The following MRTFA variants were observed in gnomAD, a reference collection of about 807,000 sequenced individuals.
The protein encoded by MRTFA is myocardin-related transcription factor A.
MRTFA carries 20 observed loss-of-function variants against 83.5 expected under a neutral mutation model. That is an observed-to-expected ratio of 0.24 (90% CI 0.17 to 0.35). The LOEUF (loss-of-function observed/expected upper bound fraction) is 0.35. MRTFA is among the 10% of genes least tolerant of loss of function. The probability of loss-of-function intolerance (pLI) is 1.00; values close to 1 mark genes in which losing one functional copy is unlikely to be tolerated. For missense variants in MRTFA, 1,200 were observed against 1,224.7 expected, an observed-to-expected ratio of 0.98 and a Z score of 0.30; for synonymous variants, 659 against 541.2, an observed-to-expected ratio of 1.22 and a Z score of -3.02.
chr22:40,436,308 C>G (rs1243732299), intron 4 of MRTFA: 1 of 154,404 alleles, frequency 6.5e-6, no homozygotes, highest in African/African-American at 2.4e-5. Flanking sequence ...CACGAGGAAT[C>G]ATAAAGTGGC....
chr22:40,463,112 TA>T, intron 4 of MRTFA, 108 bp downstream of exon 4: 1 of 931,248 alleles, frequency 1.1e-6, no homozygotes, highest in Non-Finnish European at 1.7e-6. Flanking sequence ...GAGTGGAAAA[TA>T]AAACGCATCA....
chr22:40,464,507 T>TAA (rs571765005), intron 3 of MRTFA, among the ~76,000 whole-genome samples: 3 of 129,074 alleles, frequency 2.3e-5, no homozygotes, highest in African/African-American at 8.6e-5. Context: ...AGACCCCGTC[T>TAA]AAAAAAAAAA....
At chr22:40,440,565 A>C (rs2053256511) in intron 4 of MRTFA, among the ~76,000 whole-genome samples, 1 of 152,146 alleles carries the variant, frequency 6.6e-6, no homozygotes, top group South Asian at 2.1e-4. Context: ...CTCTTCCTTC[A>C]GGTTTGTGTC....
intron 4 of MRTFA, among the ~76,000 whole-genome samples, chr22:40,462,582 G>A (rs976452342): frequency 2.6e-5 from 4 of 152,186 alleles, no homozygotes; most frequent in Non-Finnish European, 5.9e-5. Context: ...TTTCAGCTCC[G>A]TTTATAATGC....
rs202207258 is a variant in MRTFA, at chr22:40,419,021, C to T, written c.1717G>A (p.Gly573Arg). Reference sequence around the variant, plus strand: ...GTCACCATCTCACCAAAGGTGTCCCCGGGGGTGGAGTTTTCATCGCCCGTG... The same window carrying T: ...GTCACCATCTCACCAAAGGTGTCCCTGGGGGTGGAGTTTTCATCGCCCGTG... Residue 573 changes from glycine (G) to arginine (R), a missense_variant, in exon 12 of 15, where the codon GGG becomes AGG. Coordinates refer to ENST00000355630, the MANE Select transcript of MRTFA (RefSeq NM_020831.6). 7.1e-5 allele frequency: 115 copies of T among 1,612,558 alleles called. No homozygotes were observed. The highest frequency in any genetic ancestry group is 3.5e-4 in the South Asian group (32 of 91,050).
At chr22:40,450,815 T>C (rs2147127946) in intron 4 of MRTFA, among the ~76,000 whole-genome samples, 1 of 152,278 alleles carries the variant, frequency 6.6e-6, no homozygotes, top group Non-Finnish European at 1.5e-5. Flanking sequence ...TAGCAGGCTG[T>C]CATCACAAAA....
At chr22:40,597,550 T>A (rs1266162132) in intron 1 of MRTFA, among the ~76,000 whole-genome samples, 1 of 152,228 alleles carries the variant, frequency 6.6e-6, no homozygotes, top group Non-Finnish European at 1.5e-5. Flanking sequence ...TAGTCATGGA[T>A]AAAGAAGGTT....
intron 2 of MRTFA, among the ~76,000 whole-genome samples, chr22:40,574,122 C>A (rs2055835978): frequency 1.3e-5 from 2 of 152,070 alleles, no homozygotes; most frequent in South Asian, 4.1e-4. Flanking sequence ...TAAAAACAAA[C>A]AATGACCATG....
intron 3 of MRTFA, among the ~76,000 whole-genome samples, chr22:40,476,842 C>A (rs1319935916): frequency 6.6e-6 from 1 of 152,036 alleles, no homozygotes; most frequent in African/African-American, 2.4e-5. Context: ...GTACACTGTG[C>A]CAAAAACATC....
intron 3 of MRTFA, among the ~76,000 whole-genome samples, chr22:40,503,253 CTT>C (rs1161671153): frequency 1.3e-5 from 2 of 152,222 alleles, no homozygotes; most frequent in Non-Finnish European, 2.9e-5. Flanking sequence ...ACCATTTACT[CTT>C]TTTAAGTGGT....
chr22:40,571,151 A>AC (rs1194386049), intron 2 of MRTFA, among the ~76,000 whole-genome samples: 2 of 151,730 alleles, frequency 1.3e-5, no homozygotes, highest in East Asian at 3.9e-4. Flanking sequence ...TCAAGGTTGC[A>AC]GTAAGCCTTG....
At chr22:40,605,787 T>A (rs1244320798) in intron 1 of MRTFA, among the ~76,000 whole-genome samples, 1 of 152,158 alleles carries the variant, frequency 6.6e-6, no homozygotes, top group Non-Finnish European at 1.5e-5. Flanking sequence ...ACAGTTTGGG[T>A]TGGGATTGTT....
intron 5 of MRTFA, 53 bp downstream of exon 5, chr22:40,435,446 T>C: frequency 1.9e-6 from 3 of 1,552,748 alleles, no homozygotes; most frequent in Non-Finnish European, 2.7e-6. Flanking sequence ...AGCAATGCAA[T>C]GAGCTCTGAA....
rs2147094265 is a variant in MRTFA, at chr22:40,431,400, C to A, written c.439+5G>T. 3.1e-6 allele frequency: 5 copies of A among 1,613,890 alleles called. 1 individual carries two copies. In the South Asian group the frequency reaches 5.5e-5, roughly 18 times the overall value. On this transcript the variant is annotated splice_donor_5th_base_variant and intron_variant, in intron 6 of 14. Transcript: ENST00000355630. ...TAGATGGAAAAGCAATTCCAATCTC[C>A]ACACCTTCCAAAATGTGCATCCTGA...
At chr22:40,583,708 A>C (rs563850389) in intron 2 of MRTFA, among the ~76,000 whole-genome samples, 1 of 152,310 alleles carries the variant, frequency 6.6e-6, no homozygotes, top group South Asian at 2.1e-4. Flanking sequence ...TGTAAAATAC[A>C]CATACAAGGG....
chr22:40,566,193 A>AC, intron 2 of MRTFA, among the ~76,000 whole-genome samples: 1 of 152,172 alleles, frequency 6.6e-6, no homozygotes, highest in South Asian at 2.1e-4. Context: ...GGGAGGTTTT[A>AC]CACAATGGAG....
At chr22:40,636,142 C>G (rs572478413) in intron 1 of MRTFA, among the ~76,000 whole-genome samples, 55 of 152,334 alleles carry the variant, frequency 3.6e-4, no homozygotes, top group Middle Eastern at 3.4e-3. Flanking sequence ...ACACCCCGTC[C>G]CTGCAATCAA....
At chr22:40,572,371 AG>A (rs1373277188) in intron 2 of MRTFA, among the ~76,000 whole-genome samples, 1 of 152,156 alleles carries the variant, frequency 6.6e-6, no homozygotes, top group Non-Finnish European at 1.5e-5. Context: ...GGTACTTGAA[AG>A]GTTGAGGTCT....
chr22:40,464,172 G>C (rs992953400), intron 3 of MRTFA, among the ~76,000 whole-genome samples: 1 of 151,506 alleles, frequency 6.6e-6, no homozygotes, highest in Non-Finnish European at 1.5e-5. Flanking sequence ...GTGGTGGTGC[G>C]CGCCTGTAGT....
Sources: allele counts gnomAD v4.1 joint callset (sites outside exome capture counted in the v4.1 genomes callset), GRCh38; gene constraint gnomAD v4.1.1; transcripts MANE v1.5; gene names NCBI Gene and HGNC (gene_info 2026-07-23, HGNC 2026-07-21).